PTPRR: variants seen among roughly 807,000 people sequenced by gnomAD.
PTPRR encodes receptor-type tyrosine-protein phosphatase R.
PTPRR carries 38 observed loss-of-function variants against 77.2 expected under a neutral mutation model. That is an observed-to-expected ratio of 0.49 (90% CI 0.38 to 0.65). PTPRR has a LOEUF of 0.65. Ranked by LOEUF, PTPRR falls within the 30% of genes least tolerant of loss-of-function variation. PTPRR has a pLI of 0.00. For missense variants in PTPRR, 744 were observed against 799.2 expected (o/e 0.93, Z 0.83); for synonymous variants, 299 against 283.1 (o/e 1.06, Z -0.57).
At chr12:70,770,460 A>C (rs1019224972) in intron 2 of PTPRR, among the ~76,000 whole-genome samples, 1 of 152,190 alleles carries the variant, frequency 6.6e-6, no homozygotes. Context: ...CCACAATGAG[A>C]TACCATCTCA....
At chr12:70,823,665 G>GT (rs1426359946) in intron 2 of PTPRR, among the ~76,000 whole-genome samples, 1 of 152,196 alleles carries the variant, frequency 6.6e-6, no homozygotes, top group African/African-American at 2.4e-5. Flanking sequence ...AGATGGCCTA[G>GT]TTCTCTGGAA....
At chr12:70,765,601 G>C (rs1241461856) in intron 2 of PTPRR, among the ~76,000 whole-genome samples, 2 of 152,218 alleles carry the variant, frequency 1.3e-5, no homozygotes, top group Non-Finnish European at 2.9e-5. Flanking sequence ...CAAACAAAAA[G>C]ACAGCAGTAA....
At chr12:70,897,604 T>C (rs1465278792) in intron 1 of PTPRR, among the ~76,000 whole-genome samples, 2 of 152,028 alleles carry the variant, frequency 1.3e-5, no homozygotes, top group Non-Finnish European at 2.9e-5. Flanking sequence ...TGGCGATTCC[T>C]CAGGGATCTA....
chr12:70,897,676 A>T (rs189581303), intron 1 of PTPRR, among the ~76,000 whole-genome samples: 1 of 152,200 alleles, frequency 6.6e-6, no homozygotes. Flanking sequence ...AAGGATTATA[A>T]ATCGTGCTGC....
Position 70,846,713 on chromosome 12 carries a change from C to G in PTPRR, c.357+45966G>C, listed in dbSNP as rs577064350. Among the ~76,000 whole-genome samples, 11 of 152,168 alleles carry G rather than the reference C, an allele frequency of 7.2e-5. No homozygotes were observed. In the East Asian group the frequency reaches 2.1e-3, roughly 29 times the overall value. ...CAAAGGGAAAGCACCACTTATGAAC[C>G]AGAGAGTGAGCCCTCACCAGACGCC... On this transcript the variant is annotated intron_variant, in intron 2 of 13. Coordinates refer to ENST00000283228, the MANE Select transcript of PTPRR (RefSeq NM_002849.4).
chr12:70,705,489 C>A (rs35722473), intron 6 of PTPRR, among the ~76,000 whole-genome samples: 10,333 of 144,036 alleles, frequency 0.072, 467 homozygotes, highest in South Asian at 0.13. Context: ...CCTCATTTAG[C>A]AACCAATAAA....
At chr12:70,898,228 TA>T (rs145716214) in intron 1 of PTPRR, among the ~76,000 whole-genome samples, 64,034 of 144,248 alleles carry the variant, frequency 0.44, 14,360 homozygotes, top group East Asian at 0.61. Context: ...AGAGAAACCT[TA>T]AAAAAAAAAA....
rs1886595232 is a variant in PTPRR at position 70,656,725 on chromosome 12, A to G, written c.1859T>C (p.Val620Ala). Residue 620 changes from valine to alanine, a missense_variant, in exon 13 of 14, where the codon GTC becomes GCC. Val to Ala is a moderately conservative substitution (Grantham distance 64). Transcript: ENST00000283228. ...EEGVVDALSI[V>A]CQLRMDRGGM... is the part of the protein sequence containing the mutation. ...TCACCTATCCATACGAAGCTGGCAGACAATGCTTAGTGCATCCACAACTCC... is the reference window on the plus strand; with the variant it reads ...TCACCTATCCATACGAAGCTGGCAGGCAATGCTTAGTGCATCCACAACTCC... 1 of 1,613,686 alleles carries G rather than the reference A, an allele frequency of 6.2e-7. No homozygotes were observed. The highest frequency in any genetic ancestry group is 1.3e-5 in the African/African-American group (1 of 74,910).
intron 10 of PTPRR, among the ~76,000 whole-genome samples, chr12:70,666,120 G>A (rs1254083678): frequency 2.0e-5 from 3 of 152,166 alleles, no homozygotes; most frequent in African/African-American, 7.2e-5. Flanking sequence ...AGGGTGGGTA[G>A]CAGGTATTAT....
At chr12:70,698,239 G>A (rs1213463371) in intron 8 of PTPRR, 26 bp downstream of exon 8, 6 of 1,594,952 alleles carry the variant, frequency 3.8e-6, no homozygotes, top group African/African-American at 2.7e-5. Context: ...CCCATACAAT[G>A]CAAATTATAA....
At chr12:70,641,528 C>G (rs1020993495) in intron 13 of PTPRR, among the ~76,000 whole-genome samples, 1 of 152,050 alleles carries the variant, frequency 6.6e-6, no homozygotes, top group African/African-American at 2.4e-5. Flanking sequence ...TTGTTTTAGC[C>G]AGTGAAAGTG....
At chr12:70,729,333 T>G (rs1156566057) in intron 6 of PTPRR, among the ~76,000 whole-genome samples, 2 of 5,772 alleles carry the variant, frequency 3.5e-4, no homozygotes, top group Non-Finnish European at 9.4e-4. Flanking sequence ...TCTGTCTATC[T>G]ATCTATCTAT....
At chr12:70,689,365 C>A (rs1887979683) in intron 8 of PTPRR, among the ~76,000 whole-genome samples, 1 of 151,904 alleles carries the variant, frequency 6.6e-6, no homozygotes, top group Non-Finnish European at 1.5e-5. Context: ...ATAATATAAG[C>A]TTTAGCTCCC....
At chr12:70,919,734 C>T (rs1286783363) in intron 1 of PTPRR, among the ~76,000 whole-genome samples, 1 of 136,236 alleles carries the variant, frequency 7.3e-6, no homozygotes, top group African/African-American at 2.7e-5. Context: ...AGCCACGGTG[C>T]TGAAAGAGAC....
intron 2 of PTPRR, among the ~76,000 whole-genome samples, chr12:70,766,413 A>G (rs1890823232): frequency 6.6e-6 from 1 of 152,238 alleles, no homozygotes; most frequent in Non-Finnish European, 1.5e-5. Flanking sequence ...AAAGGGTATC[A>G]GTGATGGAAG....
chr12:70,891,180 A>C (rs1893329900), intron 2 of PTPRR, among the ~76,000 whole-genome samples: 1 of 152,094 alleles, frequency 6.6e-6, no homozygotes, highest in African/African-American at 2.4e-5. Context: ...ACCACAAATA[A>C]GCTGAAAGTG....
chr12:70,865,376 C>T (rs192148057), intron 2 of PTPRR, among the ~76,000 whole-genome samples: 1 of 107,366 alleles, frequency 9.3e-6, no homozygotes, highest in African/African-American at 2.6e-5. Context: ...CATTAAGGAA[C>T]TGATATACTT....
chr12:70,800,344 C>G (rs971336253), intron 2 of PTPRR, among the ~76,000 whole-genome samples: 7 of 149,898 alleles, frequency 4.7e-5, no homozygotes, highest in Non-Finnish European at 7.4e-5. Context: ...GATATGGTAT[C>G]AAAGAGAAAC....
intron 2 of PTPRR, among the ~76,000 whole-genome samples, chr12:70,836,915 T>C (rs1892313944): frequency 6.6e-6 from 1 of 152,062 alleles, no homozygotes; most frequent in African/African-American, 2.4e-5. Context: ...TAAACCTCTA[T>C]GTAAACATTT....
Sources: allele counts gnomAD v4.1 joint callset (sites outside exome capture counted in the v4.1 genomes callset), GRCh38; gene constraint gnomAD v4.1.1; transcripts MANE v1.5; gene names NCBI Gene and HGNC (gene_info 2026-07-23, HGNC 2026-07-21).